The following PRKG1 variants were observed in gnomAD, a reference collection of about 807,000 sequenced individuals.
PRKG1 encodes protein kinase cGMP-dependent 1, also known as cGMP-dependent protein kinase 1.
In PRKG1, 35 loss-of-function variants were observed where a neutral mutation model predicts 88.1. The observed-to-expected ratio is 0.40, with a 90% CI of 0.30 to 0.53. The LOEUF is 0.53. Ranked by LOEUF, PRKG1 falls within the 20% of genes least tolerant of loss-of-function variation. PRKG1 has a pLI of 0.59. For missense variants in PRKG1, 540 were observed against 839.8 expected (o/e 0.64, Z 4.41); for synonymous variants, 303 against 292.5 (o/e 1.04, Z -0.37).
intron 5 of PRKG1, among the ~76,000 whole-genome samples, chr10:51,998,478 G>C (rs1380026380): frequency 6.6e-6 from 1 of 152,096 alleles, no homozygotes; most frequent in Non-Finnish European, 1.5e-5. Flanking sequence ...TTTTTTGACA[G>C]ATCATGATGC....
chr10:51,459,550 A>G (rs1839686320), intron 2 of PRKG1, among the ~76,000 whole-genome samples: 1 of 152,128 alleles, frequency 6.6e-6, no homozygotes, highest in Non-Finnish European at 1.5e-5. Flanking sequence ...TACTCAACGT[A>G]TATATTCTTT....
At chr10:51,696,278 G>A (rs1193213708) in intron 3 of PRKG1, 1 of 152,124 alleles carries the variant, frequency 6.6e-6, no homozygotes, top group East Asian at 1.9e-4. Flanking sequence ...TTTAACTCCT[G>A]TCTGGTGGAG....
At chr10:51,136,435 T>C (rs1845687048) in intron 1 of PRKG1, among the ~76,000 whole-genome samples, 1 of 151,956 alleles carries the variant, frequency 6.6e-6, no homozygotes, top group South Asian at 2.1e-4. Context: ...AGCGAAATTA[T>C]CTCAGGAGAA....
At chr10:51,525,867 C>G (rs1234980042) in intron 3 of PRKG1, among the ~76,000 whole-genome samples, 2 of 151,676 alleles carry the variant, frequency 1.3e-5, no homozygotes, top group African/African-American at 4.8e-5. Context: ...ATTCTGTCAC[C>G]CAGGCTGGAG....
intron 7 of PRKG1, among the ~76,000 whole-genome samples, chr10:52,067,932 C>T (rs12269210): frequency 0.28 from 31,330 of 113,802 alleles, 7,089 homozygotes; most frequent in Admixed American, 0.43. Context: ...AGGCCGGGCG[C>T]AGTGGCTCAC....
At chr10:52,076,465 G>A (rs1427662196) in intron 7 of PRKG1, among the ~76,000 whole-genome samples, 1 of 152,190 alleles carries the variant, frequency 6.6e-6, no homozygotes, top group Non-Finnish European at 1.5e-5. Flanking sequence ...GCTGAGGCAG[G>A]AGAATCGCTT....
At chr10:51,271,118 C>A (rs1476776103) in intron 2 of PRKG1, among the ~76,000 whole-genome samples, 1 of 152,052 alleles carries the variant, frequency 6.6e-6, no homozygotes, top group East Asian at 1.9e-4. Context: ...TCCTATGTGG[C>A]CATACAGCTG....
chr10:52,001,174 G>A (rs756428201), intron 5 of PRKG1, among the ~76,000 whole-genome samples: 16 of 151,852 alleles, frequency 1.1e-4, no homozygotes, highest in Admixed American at 2.0e-4. Context: ...ACAAATGACA[G>A]GATTTCCTTC....
At chr10:51,619,921 T>G (rs1337281905) in intron 3 of PRKG1, among the ~76,000 whole-genome samples, 2 of 152,130 alleles carry the variant, frequency 1.3e-5, no homozygotes, top group African/African-American at 4.8e-5. Flanking sequence ...TGTGTATGAG[T>G]CCTAACTGTA....
At chr10:51,254,501 C>T (rs1839506838) in intron 2 of PRKG1, among the ~76,000 whole-genome samples, 1 of 151,914 alleles carries the variant, frequency 6.6e-6, no homozygotes, top group Non-Finnish European at 1.5e-5. Context: ...GGAAACAAGT[C>T]AATCTAAGGG....
chr10:51,839,385 C>T (rs956057868), intron 4 of PRKG1, among the ~76,000 whole-genome samples: 13 of 152,142 alleles, frequency 8.5e-5, no homozygotes, highest in African/African-American at 2.2e-4. Flanking sequence ...CATGCCCACC[C>T]CACCTCTACC....
At chr10:52,095,295 C>G (rs1847147082) in intron 7 of PRKG1, among the ~76,000 whole-genome samples, 3 of 152,066 alleles carry the variant, frequency 2.0e-5, no homozygotes, top group Non-Finnish European at 4.4e-5. Flanking sequence ...AAATATCACT[C>G]TCTCAATGAG....
intron 3 of PRKG1, chr10:51,697,474 T>C (rs1285756047): frequency 1.8e-6 from 1 of 555,042 alleles, no homozygotes. Flanking sequence ...TTCAGAGTTA[T>C]TTTAAAGTAA....
intron 5 of PRKG1, among the ~76,000 whole-genome samples, chr10:51,952,287 C>T (rs891992191): frequency 6.6e-6 from 1 of 152,158 alleles, no homozygotes; most frequent in Non-Finnish European, 1.5e-5. Flanking sequence ...AAGGCCTGGA[C>T]ATTTGTATTT....
chr10:52,158,595 G>T (rs1336900802), intron 8 of PRKG1, among the ~76,000 whole-genome samples: 3 of 151,560 alleles, frequency 2.0e-5, no homozygotes, highest in Non-Finnish European at 4.4e-5. Context: ...CAGTCATTTG[G>T]AACTTAATAA....
intron 3 of PRKG1, among the ~76,000 whole-genome samples, chr10:51,636,656 G>A (rs1419899435): frequency 2.0e-5 from 3 of 152,202 alleles, no homozygotes; most frequent in African/African-American, 7.2e-5. Context: ...ATCTGGGAAG[G>A]CTGTACCCAG....
At chr10:51,714,849 T>C (rs1353731342) in intron 3 of PRKG1, among the ~76,000 whole-genome samples, 1 of 152,244 alleles carries the variant, frequency 6.6e-6, no homozygotes, top group Admixed American at 6.5e-5. Context: ...ATTAGAGCTG[T>C]ATGTCATAAA....
At chr10:51,915,152 T>C (rs1842310164) in intron 5 of PRKG1, among the ~76,000 whole-genome samples, 1 of 152,196 alleles carries the variant, frequency 6.6e-6, no homozygotes, top group Non-Finnish European at 1.5e-5. Flanking sequence ...CCAGACTCCT[T>C]TGCATTCTCT....
intron 3 of PRKG1, chr10:51,698,659 T>G (rs1316785292): frequency 6.2e-7 from 1 of 1,614,094 alleles, no homozygotes; most frequent in Non-Finnish European, 8.5e-7. Flanking sequence ...CTAAAGGCAC[T>G]GGGCCAACCC....
Sources: allele counts gnomAD v4.1 joint callset (sites outside exome capture counted in the v4.1 genomes callset), GRCh38; gene constraint gnomAD v4.1.1; transcripts MANE v1.5; gene names NCBI Gene and HGNC (gene_info 2026-07-23, HGNC 2026-07-21).